Variants in CLEC4A observed in about 807,000 individuals in gnomAD.
CLEC4A encodes the protein C-type lectin domain family 4 member A, also known as C-type (calcium dependent, carbohydrate-recognition domain) lectin, superfamily member 6.
CLEC4A carries 27 observed loss-of-function variants against 32.7 expected under a neutral mutation model. The ratio of observed to expected loss-of-function variants is 0.83; its 90% confidence interval spans 0.61 to 1.14. The LOEUF is 1.14. Ranked by LOEUF, CLEC4A falls within the 50% of genes most tolerant of loss-of-function variation. The pLI, the probability that CLEC4A is intolerant of heterozygous loss-of-function variation, is 0.00. For missense variants in CLEC4A, 253 were observed against 274.6 expected (o/e 0.92, Z 0.55); for synonymous variants, 89 against 93.7 (o/e 0.95, Z 0.29).
chr12:8,103,233 TCTC>T, the CLEC4A span, among the ~76,000 whole-genome samples: 1 of 152,082 alleles, frequency 6.6e-6, no homozygotes, highest in East Asian at 1.9e-4. Flanking sequence ...TGTTTTTTAC[TCTC>T]CTATTAATTG....
chr12:8,116,339 C>T, the CLEC4A span, among the ~76,000 whole-genome samples: 2 of 152,238 alleles, frequency 1.3e-5, no homozygotes, highest in East Asian at 1.9e-4. Context: ...TGGACTCAAG[C>T]GATCCTTCTG....
chr12:8,111,205 G>T, the CLEC4A span, among the ~76,000 whole-genome samples: 2 of 115,734 alleles, frequency 1.7e-5, no homozygotes, highest in Non-Finnish European at 3.4e-5. Context: ...TTTTGAGACA[G>T]ACTCTGGCTC....
At chr12:8,110,353 A>G in the CLEC4A span, among the ~76,000 whole-genome samples, 1 of 152,204 alleles carries the variant, frequency 6.6e-6, no homozygotes, top group South Asian at 2.1e-4. Context: ...AGTGTCAAAG[A>G]TAATAATTAA....
At chr12:8,136,669 A>C in intron 4 of CLEC4A, 119 bp from the exon 5 acceptor site, 1 of 599,998 alleles carries the variant, frequency 1.7e-6, no homozygotes, top group Non-Finnish European at 3.0e-6. Context: ...ATTCCTACGT[A>C]GAGCTCTAAT....
rs1159341998 is a variant in CLEC4A at position 8,129,334 on chromosome 12, G to C, written c.270G>C (p.Glu90Asp). The change falls in exon 3 of 6, where the codon GAG (glutamate) becomes GAC (aspartate). Residue 90 changes from glutamate to aspartate, a missense_variant. Coordinates refer to ENST00000229332, the MANE Select transcript of CLEC4A (RefSeq NM_016184.4). ...AAGAGCTGGTTCATACAACATTGGA[G>C]TGTGTGAAAAAAAATATGCCCGTGG... Reference protein sequence around the residue: ...TTKELVHTTLECVKKNMPVEE... With the variant: ...TTKELVHTTLDCVKKNMPVEE... 9.3e-6 allele frequency: 15 copies of C among 1,609,060 alleles called. No individual in the cohort carries two copies. The highest frequency in any genetic ancestry group is 1.3e-5 in the Non-Finnish European group (15 of 1,178,056).
intron 3 of CLEC4A, chr12:8,134,588 G>A: frequency 6.2e-7 from 1 of 1,613,040 alleles, no homozygotes; most frequent in Non-Finnish European, 8.5e-7. Flanking sequence ...TCTCCAAGCC[G>A]TCTTGGGGCA....
At chr12:8,119,413 G>A (rs1947813685), upstream of CLEC4A, among the ~76,000 whole-genome samples, 1 of 152,052 alleles carries the variant, frequency 6.6e-6, no homozygotes. Context: ...TAGTAGTGAT[G>A]GGGTTTCACC....
intron 3 of CLEC4A, chr12:8,134,038 A>T: frequency 6.3e-7 from 1 of 1,599,318 alleles, no homozygotes; most frequent in Non-Finnish European, 8.5e-7. Flanking sequence ...CTCGGACCAC[A>T]TCCTTCTCCA....
the CLEC4A span, among the ~76,000 whole-genome samples, chr12:8,107,413 T>G: frequency 6.6e-6 from 1 of 152,204 alleles, no homozygotes; most frequent in African/African-American, 2.4e-5. Context: ...GAGTCCTTCC[T>G]CCTCAAATTT....
chr12:8,110,251 A>C, the CLEC4A span, among the ~76,000 whole-genome samples: 1 of 152,012 alleles, frequency 6.6e-6, no homozygotes, highest in Non-Finnish European at 1.5e-5. Flanking sequence ...CTGGGGTGAA[A>C]TATGGTTATC....
chr12:8,105,506 C>T, the CLEC4A span, among the ~76,000 whole-genome samples: 9 of 152,104 alleles, frequency 5.9e-5, no homozygotes, highest in East Asian at 1.2e-3. Context: ...TGTGCCACCA[C>T]GGCTGGCTAA....
intron 3 of CLEC4A, among the ~76,000 whole-genome samples, chr12:8,131,910 A>G (rs1161841811): frequency 6.6e-6 from 1 of 151,768 alleles, no homozygotes; most frequent in Admixed American, 6.6e-5. Flanking sequence ...AATGTGTGCT[A>G]TGGTGGTTTG....
chr12:8,138,050 T>A lies in CLEC4A; in HGVS notation c.567-90T>A, dbSNP rs112761093. Reference sequence around the variant, plus strand: ...TGGGCATATCTGACCCTATGTTCCATGAAATTCATCCCTCGCTCCTCACCC... The same window carrying A: ...TGGGCATATCTGACCCTATGTTCCAAGAAATTCATCCCTCGCTCCTCACCC... On this transcript the variant is annotated intron_variant, in intron 5 of 5. Coordinates refer to ENST00000229332, the MANE Select transcript of CLEC4A (RefSeq NM_016184.4). 4 of 1,413,370 alleles carry A rather than the reference T, an allele frequency of 2.8e-6. No individual in the cohort carries two copies. The African/African-American group carries it at 4.3e-5, about 15-fold the overall frequency. The allele number at this position is 1,413,370 out of a possible 1,614,324, so 87.6% of individuals were successfully genotyped here.
intron 2 of CLEC4A, among the ~76,000 whole-genome samples, chr12:8,127,134 A>G (rs141140529): frequency 6.6e-6 from 1 of 152,264 alleles, no homozygotes; most frequent in African/African-American, 2.4e-5. Context: ...TCCTGGCTGA[A>G]CTCACTCATG....
the CLEC4A span, among the ~76,000 whole-genome samples, chr12:8,109,917 G>A: frequency 6.6e-6 from 1 of 152,260 alleles, no homozygotes; most frequent in East Asian, 1.9e-4. Flanking sequence ...ATTGGGGCAG[G>A]AAGTAGGAAG....
the CLEC4A span, among the ~76,000 whole-genome samples, chr12:8,112,684 A>G: frequency 2.0e-5 from 3 of 151,588 alleles, no homozygotes; most frequent in Non-Finnish European, 1.5e-5. Context: ...TTGTGGGAGT[A>G]TTTCTTTGGA....
At chr12:8,105,975 A>G in the CLEC4A span, among the ~76,000 whole-genome samples, 2 of 152,146 alleles carry the variant, frequency 1.3e-5, no homozygotes, top group Non-Finnish European at 2.9e-5. Flanking sequence ...TCCTATGTCC[A>G]GAATGATATT....
the CLEC4A span, among the ~76,000 whole-genome samples, chr12:8,116,514 C>T: frequency 2.6e-5 from 4 of 152,128 alleles, no homozygotes; most frequent in African/African-American, 9.7e-5. Flanking sequence ...ATCATCTACT[C>T]CCATTGTTTA....
rs1425524592 is a variant in CLEC4A at position 8,134,985 on chromosome 12, TG to T, written c.299-599del. The T allele has an allele frequency of 5.9e-3, 1,703 of 288,902 alleles. 198 individuals are homozygous for T. Among genetic ancestry groups the T allele is most frequent in the African/African-American group, 7.6e-3 (274 of 36,024 alleles). The allele number at this position is 288,902 out of a possible 1,614,324, so 17.9% of individuals were successfully genotyped here. The stretch of plus-strand genomic sequence containing the variant: ...TTCTTGTTGAAGCGTTTTTGTTTTT[TG>T]TTTTTTTTTAATCATGGCTGCTTTT... On this transcript the variant is annotated intron_variant, in intron 3 of 5. Coordinates refer to ENST00000229332, the MANE Select transcript of CLEC4A (RefSeq NM_016184.4).
Sources: gnomAD v4.1 joint callset for allele counts (sites outside exome capture counted in the v4.1 genomes callset) on GRCh38, gnomAD v4.1.1 for gene constraint, MANE v1.5 for transcripts, NCBI Gene and HGNC (gene_info 2026-07-23, HGNC 2026-07-21) for gene names.